The following SPIRE1 variants were observed in gnomAD, a reference collection of about 807,000 sequenced individuals.
The protein encoded by SPIRE1 is protein spire homolog 1.
A neutral mutation model predicts 94.1 loss-of-function variants in SPIRE1; 40 were observed. The observed-to-expected ratio is 0.43, with a 90% CI of 0.33 to 0.55. SPIRE1 has a LOEUF of 0.55. Among genes scored for constraint, SPIRE1 ranks in the 20% least tolerant of loss-of-function variants. SPIRE1 has a pLI of 0.06. For synonymous variants in SPIRE1, 376 were observed against 371.7 expected (o/e 1.01, Z -0.13); for missense variants, 838 against 975.2 (o/e 0.86, Z 1.87).
intron 10 of SPIRE1, among the ~76,000 whole-genome samples, chr18:12,467,664 A>G (rs1186347606): frequency 6.6e-6 from 1 of 152,022 alleles, no homozygotes; most frequent in African/African-American, 2.4e-5. Context: ...AAATATTTTT[A>G]AAGTCGGCTG....
chr18:12,573,408 A>G (rs2036008225), intron 2 of SPIRE1, among the ~76,000 whole-genome samples: 1 of 152,228 alleles, frequency 6.6e-6, no homozygotes, highest in East Asian at 1.9e-4. Flanking sequence ...GGGACAATTT[A>G]GCAGTTTCTT....
chr18:12,577,189 C>A (rs1420406850), intron 2 of SPIRE1, among the ~76,000 whole-genome samples: 2 of 152,052 alleles, frequency 1.3e-5, no homozygotes, highest in East Asian at 3.9e-4. Context: ...GCTCTGTCAC[C>A]CAGGCTAGAG....
intron 10 of SPIRE1, 44 bp downstream of exon 10, chr18:12,479,655 G>A (rs1424526821): frequency 5.2e-6 from 8 of 1,540,198 alleles, no homozygotes; most frequent in Non-Finnish European, 6.1e-6. Flanking sequence ...ACAGCATTAA[G>A]CACCCTCATC....
intron 10 of SPIRE1, among the ~76,000 whole-genome samples, chr18:12,472,982 A>G (rs1490199042): frequency 6.7e-6 from 1 of 148,328 alleles, no homozygotes; most frequent in African/African-American, 2.5e-5. Context: ...TTTAGTAGAG[A>G]TGGGGTTTTG....
chr18:12,612,635 T>C (rs547436150), intron 2 of SPIRE1, among the ~76,000 whole-genome samples: 6 of 152,210 alleles, frequency 3.9e-5, no homozygotes, highest in Non-Finnish European at 8.8e-5. Flanking sequence ...ACAAGATCTC[T>C]AGGAAATTTG....
chr18:12,610,283 A>G (rs1320160216), intron 2 of SPIRE1, among the ~76,000 whole-genome samples: 1 of 151,794 alleles, frequency 6.6e-6, no homozygotes, highest in East Asian at 1.9e-4. Flanking sequence ...TCCTCTACCT[A>G]ATGATCTTGT....
chr18:12,449,975 A>G, intron 16 of SPIRE1, 79 bp from the exon 17 acceptor site: 1 of 1,436,772 alleles, frequency 7.0e-7, no homozygotes, highest in Non-Finnish European at 9.3e-7. Flanking sequence ...GTATAAAAAA[A>G]AGTAAATTTG....
chr18:12,623,712 T>C (rs538017720), intron 2 of SPIRE1, among the ~76,000 whole-genome samples: 71 of 152,292 alleles, frequency 4.7e-4, no homozygotes, highest in Admixed American at 1.2e-3. Context: ...CACTGCAACC[T>C]CCACCTCCCA....
At chr18:12,462,446 C>A (rs1358940077) in intron 12 of SPIRE1, among the ~76,000 whole-genome samples, 1 of 152,144 alleles carries the variant, frequency 6.6e-6, no homozygotes, top group Admixed American at 6.5e-5. Flanking sequence ...AGCCAAGTGG[C>A]GCTACAAAAG....
chr18:12,625,736 T>C (rs999500546), intron 2 of SPIRE1, among the ~76,000 whole-genome samples: 4 of 152,186 alleles, frequency 2.6e-5, no homozygotes, highest in South Asian at 2.1e-4. Context: ...GGGCTACCCA[T>C]TGTCAATTAA....
At chr18:12,563,769 A>G (rs2035749393) in intron 2 of SPIRE1, among the ~76,000 whole-genome samples, 1 of 152,192 alleles carries the variant, frequency 6.6e-6, no homozygotes, top group African/African-American at 2.4e-5. Context: ...AAAAAGAAAA[A>G]TTAAAGGAAT....
chr18:12,536,681 G>C (rs1598445866), intron 3 of SPIRE1, among the ~76,000 whole-genome samples: 1 of 152,152 alleles, frequency 6.6e-6, no homozygotes. Flanking sequence ...CCAACTACTT[G>C]TGGGTAAAAG....
intron 2 of SPIRE1, among the ~76,000 whole-genome samples, chr18:12,553,453 G>A (rs926093668): frequency 6.6e-6 from 1 of 152,154 alleles, no homozygotes; most frequent in African/African-American, 2.4e-5. Flanking sequence ...TAATCCCCAT[G>A]GGCCTGTGGT....
chr18:12,600,039 T>A (rs1007582232), intron 2 of SPIRE1, among the ~76,000 whole-genome samples: 2 of 144,428 alleles, frequency 1.4e-5, no homozygotes, highest in Non-Finnish European at 3.0e-5. Context: ...GGAACCCACA[T>A]GGCAAAGGAA....
At chr18:12,587,515 C>T (rs1598499529) in intron 2 of SPIRE1, among the ~76,000 whole-genome samples, 1 of 151,086 alleles carries the variant, frequency 6.6e-6, no homozygotes, top group East Asian at 2.1e-4. Flanking sequence ...TCTAAGAGAA[C>T]ACAGAAAGGT....
chr18:12,484,793 T>C (rs2032974046), intron 9 of SPIRE1, among the ~76,000 whole-genome samples: 2 of 152,184 alleles, frequency 1.3e-5, no homozygotes, highest in African/African-American at 4.8e-5. Context: ...TGAGGTGGCT[T>C]ACGCCTGTAT....
chr18:12,494,652 AC>A (rs1157910821), intron 7 of SPIRE1, among the ~76,000 whole-genome samples: 1 of 150,216 alleles, frequency 6.7e-6, no homozygotes, highest in Non-Finnish European at 1.5e-5. Flanking sequence ...ACACGGTGAA[AC>A]CCCGTCTCTA....
At chr18:12,641,045 G>A (rs1231823714) in intron 1 of SPIRE1, among the ~76,000 whole-genome samples, 1 of 152,114 alleles carries the variant, frequency 6.6e-6, no homozygotes, top group African/African-American at 2.4e-5. Flanking sequence ...GCCAGGCAGG[G>A]AGATGGCAGT....
chr18:12,446,540 T>C lies in SPIRE1; in HGVS notation c.*3098A>G, dbSNP rs1199135084. The C allele has an allele frequency of 6.6e-6, 1 of 152,194 alleles. No homozygotes were observed. Among genetic ancestry groups the C allele is most frequent in the East Asian group, 1.9e-4 (1 of 5,168 alleles). 9.4% of individuals were successfully genotyped at this position (152,194 alleles called of 1,614,324 possible). A position where few individuals can be genotyped will look rare whatever the true frequency, so the allele number is the denominator to read the frequency against. ...GATGGAAAGCCATTTTATTTTTCTC[T>C]AAATTTTAAAATAGAAGACTTTAAT... On this transcript the variant is annotated 3_prime_UTR_variant, in exon 17 of 17. Coordinates refer to ENST00000409402, the MANE Select transcript of SPIRE1 (RefSeq NM_001128626.2).
Sources: gnomAD v4.1 joint callset for allele counts (sites outside exome capture counted in the v4.1 genomes callset) on GRCh38, gnomAD v4.1.1 for gene constraint, MANE v1.5 for transcripts, NCBI Gene and HGNC (gene_info 2026-07-23, HGNC 2026-07-21) for gene names.